Variants in WWOX observed in about 807,000 individuals in gnomAD.
WWOX encodes the protein WW domain containing oxidoreductase.
In WWOX, 69 loss-of-function variants were observed where a neutral mutation model predicts 46.2. The ratio of observed to expected loss-of-function variants is 1.49; its 90% CI spans 1.23 to 1.82. The LOEUF (loss-of-function observed/expected upper bound fraction) is 1.82. Ranked by LOEUF, WWOX falls within the 40% of genes most tolerant of loss-of-function variation. The pLI is 0.00. For missense variants in WWOX, 919 were observed against 542.6 expected (o/e 1.69, Z -6.89); for synonymous variants, 359 against 202.6 (o/e 1.77, Z -6.56).
chr16:78,778,263 G>C (rs2050241004), intron 8 of WWOX, among the ~76,000 whole-genome samples: 4 of 152,078 alleles, frequency 2.6e-5, no homozygotes, highest in Admixed American at 2.6e-4. Context: ...CCTTTGTGGA[G>C]CTCTTGGCAA....
chr16:78,583,010 C>G (rs1025522286), intron 8 of WWOX, among the ~76,000 whole-genome samples: 1 of 152,218 alleles, frequency 6.6e-6, no homozygotes, highest in African/African-American at 2.4e-5. Context: ...TTAAGCTCAA[C>G]TTCATGCAAG....
At chr16:79,142,441 C>T (rs535064491) in intron 8 of WWOX, among the ~76,000 whole-genome samples, 7 of 152,226 alleles carry the variant, frequency 4.6e-5, no homozygotes, top group South Asian at 4.1e-4. Context: ...ATTTTCACCA[C>T]GGAAATTGGC....
intron 8 of WWOX, chr16:78,898,919 C>G (rs1008730654): frequency 2.0e-5 from 3 of 151,956 alleles, no homozygotes; most frequent in Non-Finnish European, 4.4e-5. Flanking sequence ...CTGTTTGTTT[C>G]TAATATATAG....
intron 8 of WWOX, among the ~76,000 whole-genome samples, chr16:78,557,168 G>T (rs1461607340): frequency 6.6e-6 from 1 of 152,122 alleles, no homozygotes; most frequent in East Asian, 1.9e-4. Flanking sequence ...ATTAGATTTT[G>T]CCTCTGCTTG....
At chr16:78,328,569 A>T (rs974737118) in intron 5 of WWOX, among the ~76,000 whole-genome samples, 1 of 152,228 alleles carries the variant, frequency 6.6e-6, no homozygotes, top group Admixed American at 6.5e-5. Context: ...TATTTATTGT[A>T]GGCCTGTATT....
At chr16:78,335,172 CA>C in intron 5 of WWOX, among the ~76,000 whole-genome samples, 1 of 152,220 alleles carries the variant, frequency 6.6e-6, no homozygotes, top group Non-Finnish European at 1.5e-5. Context: ...GTAAGATGTG[CA>C]AGTTTGTTAC....
chr16:78,700,625 G>C (rs1405482078), intron 8 of WWOX, among the ~76,000 whole-genome samples: 1 of 152,164 alleles, frequency 6.6e-6, no homozygotes, highest in Non-Finnish European at 1.5e-5. Flanking sequence ...TCCTGTCATA[G>C]GACCATTCCT....
At chr16:78,511,147 T>C (rs1005857835) in intron 8 of WWOX, among the ~76,000 whole-genome samples, 3 of 152,168 alleles carry the variant, frequency 2.0e-5, no homozygotes, top group African/African-American at 7.2e-5. Flanking sequence ...TTTACAGCCC[T>C]TGCAACCGCC....
chr16:78,803,423 A>G (rs890723572), intron 8 of WWOX, among the ~76,000 whole-genome samples: 4 of 152,090 alleles, frequency 2.6e-5, no homozygotes, highest in Non-Finnish European at 2.9e-5. Context: ...TTTGTGCAGA[A>G]AAGTATTACG....
intron 8 of WWOX, among the ~76,000 whole-genome samples, chr16:78,979,919 G>T (rs1441394240): frequency 1.3e-5 from 2 of 152,154 alleles, no homozygotes; most frequent in African/African-American, 2.4e-5. Context: ...ACAAGGTCAG[G>T]AGATTGAGAC....
At chr16:79,079,120 T>C (rs1466244839) in intron 8 of WWOX, among the ~76,000 whole-genome samples, 1 of 152,228 alleles carries the variant, frequency 6.6e-6, no homozygotes, top group Non-Finnish European at 1.5e-5. Flanking sequence ...CCAAGGTAGC[T>C]GTACCTAGTT....
At chr16:78,933,932 C>A (rs1332593733) in intron 8 of WWOX, among the ~76,000 whole-genome samples, 2 of 152,116 alleles carry the variant, frequency 1.3e-5, no homozygotes, top group Admixed American at 1.3e-4. Flanking sequence ...TGGCTCGCAC[C>A]TGTAATCCCA....
chr16:78,099,897 G>A lies in WWOX; in HGVS notation c.107+12G>A. On this transcript the variant is annotated intron_variant, in intron 1 of 8. Coordinates refer to ENST00000566780, the MANE Select transcript of WWOX (RefSeq NM_016373.4). ...GTTTACTACGCCAAGTAAGGGGGCC[G>A]CAGTGGGGCCGCGGACGCACCTGGG... The A allele has an allele frequency of 6.4e-7, 1 of 1,555,448 alleles. No individual in the cohort carries two copies. Among genetic ancestry groups the A allele is most frequent in the East Asian group, 2.4e-5 (1 of 41,038 alleles).
chr16:78,516,260 G>A (rs1218405371), intron 8 of WWOX, among the ~76,000 whole-genome samples: 1 of 152,218 alleles, frequency 6.6e-6, no homozygotes, highest in East Asian at 1.9e-4. Context: ...AATGCAGGGA[G>A]GGTTTGCTGT....
chr16:78,887,508 C>T (rs1395605335), intron 8 of WWOX, among the ~76,000 whole-genome samples: 1 of 124,396 alleles, frequency 8.0e-6, no homozygotes, highest in African/African-American at 2.9e-5. Context: ...CACACACACA[C>T]ACACACACAC....
At chr16:78,912,404 T>A (rs1310259097) in intron 8 of WWOX, among the ~76,000 whole-genome samples, 2 of 151,894 alleles carry the variant, frequency 1.3e-5, no homozygotes, top group Non-Finnish European at 2.9e-5. Flanking sequence ...TCAGAGAACT[T>A]GCCCAGGGTC....
At chr16:78,855,830 G>C (rs1597726619) in intron 8 of WWOX, among the ~76,000 whole-genome samples, 1 of 152,148 alleles carries the variant, frequency 6.6e-6, no homozygotes, top group East Asian at 1.9e-4. Flanking sequence ...TCCACCTTGG[G>C]TCTGTCAGAT....
intron 8 of WWOX, among the ~76,000 whole-genome samples, chr16:78,779,076 C>T (rs374747663): frequency 6.8e-6 from 1 of 147,798 alleles, no homozygotes; most frequent in Admixed American, 6.7e-5. Flanking sequence ...TCATAGAGAT[C>T]ACTCTATCGC....
intron 8 of WWOX, among the ~76,000 whole-genome samples, chr16:78,658,379 A>G (rs568672933): frequency 2.6e-5 from 4 of 152,314 alleles, no homozygotes; most frequent in Admixed American, 2.0e-4. Flanking sequence ...CCATGTAGTC[A>G]CTAATTTAAT....
Sources: allele counts gnomAD v4.1 joint callset (sites outside exome capture counted in the v4.1 genomes callset), GRCh38; gene constraint gnomAD v4.1.1; transcripts MANE v1.5; gene names NCBI Gene and HGNC (gene_info 2026-07-23, HGNC 2026-07-21).